The following ADAMTSL1 variants were observed in gnomAD, a reference collection of about 807,000 sequenced individuals.
ADAMTSL1 encodes the protein ADAMTS like 1.
In ADAMTSL1, 126 loss-of-function variants were observed where a neutral mutation model predicts 201.8. That is an observed-to-expected ratio of 0.62 (90% CI 0.54 to 0.72). The LOEUF (loss-of-function observed/expected upper bound fraction) is 0.72. Ranked by LOEUF, ADAMTSL1 falls within the 30% of genes least tolerant of loss-of-function variation. ADAMTSL1 has a pLI of 0.00. For missense variants in ADAMTSL1, 2,679 were observed against 2,277.8 expected (o/e 1.18, Z -3.59); for synonymous variants, 1,121 against 903.4 (o/e 1.24, Z -4.32).
At chr9:18,317,556 T>C (rs1834454646) in intron 2 of ADAMTSL1, among the ~76,000 whole-genome samples, 1 of 152,192 alleles carries the variant, frequency 6.6e-6, no homozygotes, top group African/African-American at 2.4e-5. Flanking sequence ...TTTTTGTTTG[T>C]CAATTATGCC....
intron 1 of ADAMTSL1, among the ~76,000 whole-genome samples, chr9:18,053,201 T>C (rs1586953329): frequency 1.3e-5 from 2 of 152,280 alleles, no homozygotes; most frequent in South Asian, 4.1e-4. Flanking sequence ...GGTCTTCAGG[T>C]GGGCAGTGAC....
intron 1 of ADAMTSL1, among the ~76,000 whole-genome samples, chr9:18,009,476 G>C (rs1310590648): frequency 6.6e-6 from 1 of 152,022 alleles, no homozygotes; most frequent in Non-Finnish European, 1.5e-5. Context: ...ATAGTGCCTG[G>C]TGCAGGGCCA....
intron 2 of ADAMTSL1, among the ~76,000 whole-genome samples, chr9:18,201,339 C>T (rs1475875643): frequency 1.3e-5 from 2 of 151,948 alleles, no homozygotes; most frequent in Non-Finnish European, 2.9e-5. Flanking sequence ...TGGATGATGT[C>T]GAGTTATCTT....
intron 1 of ADAMTSL1, among the ~76,000 whole-genome samples, chr9:17,918,508 C>T (rs1826188353): frequency 6.6e-6 from 1 of 151,812 alleles, no homozygotes; most frequent in Admixed American, 6.6e-5. Flanking sequence ...CTTTATGTCA[C>T]TTGAATCCTT....
chr9:18,365,602 G>A (rs1201094100), intron 2 of ADAMTSL1, among the ~76,000 whole-genome samples: 1 of 152,162 alleles, frequency 6.6e-6, no homozygotes, highest in East Asian at 1.9e-4. Flanking sequence ...AGAAGAAAAG[G>A]GAAAGAGGAA....
At chr9:18,082,962 C>A (rs1417464924) in intron 1 of ADAMTSL1, among the ~76,000 whole-genome samples, 1 of 152,122 alleles carries the variant, frequency 6.6e-6, no homozygotes, top group Non-Finnish European at 1.5e-5. Context: ...TATGTCACAA[C>A]CAGTACTGCC....
At chr9:18,202,666 C>T (rs946356663) in intron 2 of ADAMTSL1, among the ~76,000 whole-genome samples, 12 of 152,188 alleles carry the variant, frequency 7.9e-5, no homozygotes, top group African/African-American at 2.9e-4. Context: ...CCTGAACACA[C>T]CTCTATCCTA....
At chr9:18,176,455 T>C (rs1215535746) in intron 2 of ADAMTSL1, among the ~76,000 whole-genome samples, 1 of 152,194 alleles carries the variant, frequency 6.6e-6, no homozygotes, top group Non-Finnish European at 1.5e-5. Context: ...ACTATCATGA[T>C]AGTAACTGTC....
At chr9:18,836,734 G>T (rs1825333653) in intron 23 of ADAMTSL1, among the ~76,000 whole-genome samples, 1 of 152,128 alleles carries the variant, frequency 6.6e-6, no homozygotes, top group African/African-American at 2.4e-5. Context: ...CCATAAGCAC[G>T]GAATGCTTTT....
At chr9:18,727,558 C>T (rs113645584) in intron 15 of ADAMTSL1, among the ~76,000 whole-genome samples, 6 of 152,360 alleles carry the variant, frequency 3.9e-5, no homozygotes, top group African/African-American at 1.4e-4. Flanking sequence ...CAGTGGGAGT[C>T]TCTTTTGTTT....
chr9:18,908,190 A>G lies in ADAMTSL1; in HGVS notation c.5183-252A>G, dbSNP rs1830420160. The G allele has an allele frequency of 7.8e-6, 4 of 512,668 alleles. No homozygotes were observed. The Admixed American group carries it at 1.3e-4, about 17-fold the overall frequency. 31.8% of individuals were successfully genotyped at this position (512,668 alleles called of 1,614,324 possible). On this transcript the variant is annotated intron_variant, in intron 28 of 28. Coordinates refer to ENST00000380548, the MANE Select transcript of ADAMTSL1 (RefSeq NM_001040272.6). ...GTAGAGGGAGCTGCAGAAAACAAGC[A>G]GACAGCCCAGGGAGGGGCCCCATCA...
chr9:18,249,205 A>T (rs920064414), intron 2 of ADAMTSL1, among the ~76,000 whole-genome samples: 1 of 152,244 alleles, frequency 6.6e-6, no homozygotes, highest in African/African-American at 2.4e-5. Context: ...GTCAGTAAAA[A>T]ATAGAAATGA....
chr9:18,307,210 GAAA>G (rs897652683), intron 2 of ADAMTSL1, among the ~76,000 whole-genome samples: 1 of 151,664 alleles, frequency 6.6e-6, no homozygotes, highest in African/African-American at 2.4e-5. Context: ...AATATGAAAA[GAAA>G]AAAAATAGTA....
At chr9:18,274,522 A>G (rs959870863) in intron 2 of ADAMTSL1, among the ~76,000 whole-genome samples, 4 of 152,156 alleles carry the variant, frequency 2.6e-5, no homozygotes, top group East Asian at 1.9e-4. Context: ...TCATAATACA[A>G]CAGAAATAGG....
intron 17 of ADAMTSL1, among the ~76,000 whole-genome samples, chr9:18,774,039 T>C (rs561851591): frequency 6.6e-6 from 1 of 152,350 alleles, no homozygotes; most frequent in South Asian, 2.1e-4. Context: ...TATGTTAGCA[T>C]ATAACACTTG....
At chr9:18,162,335 T>G (rs1563776616) in intron 1 of ADAMTSL1, among the ~76,000 whole-genome samples, 1 of 152,036 alleles carries the variant, frequency 6.6e-6, no homozygotes. Context: ...TTTTACATAC[T>G]CATGTGATTA....
chr9:18,728,081 AAAATAAAT>A (rs61237330), intron 15 of ADAMTSL1, among the ~76,000 whole-genome samples: 10,790 of 143,962 alleles, frequency 0.075, 515 homozygotes, highest in East Asian at 0.15. Flanking sequence ...CTCTGTCTCA[AAAATAAAT>A]AAATAAATAA....
intron 23 of ADAMTSL1, among the ~76,000 whole-genome samples, chr9:18,882,893 G>A (rs1588300411): frequency 1.3e-5 from 2 of 151,848 alleles, no homozygotes; most frequent in East Asian, 3.9e-4. Context: ...TTGGGAGGCT[G>A]AGGTGGGAGG....
intron 2 of ADAMTSL1, among the ~76,000 whole-genome samples, chr9:18,523,587 A>C (rs562443724): frequency 2.0e-5 from 3 of 151,920 alleles, no homozygotes; most frequent in Admixed American, 6.6e-5. Context: ...CTAACGTTGA[A>C]GTCTTTAATC....
Sources: allele counts gnomAD v4.1 joint callset (sites outside exome capture counted in the v4.1 genomes callset), GRCh38; gene constraint gnomAD v4.1.1; transcripts MANE v1.5; gene names NCBI Gene and HGNC (gene_info 2026-07-23, HGNC 2026-07-21).